ATP6V0A2: variants seen among roughly 807,000 people sequenced by gnomAD.
ATP6V0A2 encodes V-type proton ATPase 116 kDa subunit a 2.
ATP6V0A2 carries 58 observed loss-of-function variants against 104.4 expected under a neutral mutation model. The observed-to-expected ratio is 0.56, with a 90% CI of 0.45 to 0.69. The LOEUF (loss-of-function observed/expected upper bound fraction) is 0.69, where lower values mean the gene tolerates loss of function less well. ATP6V0A2 is among the 30% of genes least tolerant of loss of function. The pLI is 0.00. For missense variants in ATP6V0A2, 938 were observed against 1,062.9 expected, an observed-to-expected ratio of 0.88 and a Z score of 1.63; for synonymous variants, 376 against 397.9, an observed-to-expected ratio of 0.95 and a Z score of 0.65.
At chr12:123,737,033 T>C in intron 8 of ATP6V0A2, 26 bp from the exon 9 acceptor site, 2 of 1,612,200 alleles carry the variant, frequency 1.2e-6, no homozygotes, top group Non-Finnish European at 1.7e-6. Context: ...CCCACTCCAC[T>C]GAAAGCCCCT....
rs199633614 is a variant in ATP6V0A2 at position 123,722,417 on chromosome 12, C to T, written c.263C>T (p.Ala88Val). The part of the protein sequence containing the change: ...PLPEGEASPP[A>V]PPLKQVLEMQ... Reference sequence around the variant, plus strand: ...CCTGAAGGAGAGGCCAGCCCTCCTGCGCCACCCCTGAAACAGGTTCTAGAA... The same window carrying T: ...CCTGAAGGAGAGGCCAGCCCTCCTGTGCCACCCCTGAAACAGGTTCTAGAA... Residue 88 changes from alanine to valine, a missense_variant, in exon 3 of 20, where the codon GCG (alanine) becomes GTG (valine). Transcript: ENST00000330342. 14 of 1,611,276 alleles carry T rather than the reference C, an allele frequency of 8.7e-6. No homozygotes were observed. Among genetic ancestry groups the T allele is most frequent in the African/African-American group, 8.0e-5 (6 of 74,986 alleles).
At chr12:123,751,788 A>G in intron 16 of ATP6V0A2, among the ~76,000 whole-genome samples, 1 of 152,034 alleles carries the variant, frequency 6.6e-6, no homozygotes, top group South Asian at 2.1e-4. Context: ...GGCACAATTT[A>G]AATGCCTTTT....
chr12:123,727,846 C>G lies in ATP6V0A2; in HGVS notation c.585C>G (p.Val195=). 3.1e-6 allele frequency: 5 copies of G among 1,614,194 alleles called. No individual in the cohort carries two copies. The highest frequency in any genetic ancestry group is 4.2e-6 in the Non-Finnish European group (5 of 1,180,042). The change falls in exon 6 of 20, where the codon GTC becomes GTG. Residue 195 remains valine, a synonymous_variant. Coordinates refer to ENST00000330342, the MANE Select transcript of ATP6V0A2 (RefSeq NM_012463.4). The part of the protein sequence containing the change: ...VEAFEKMLWR[V]CKGYTIVSYA... ...CATTTGAAAAAATGTTGTGGAGAGT[C>G]TGCAAAGGGTACACCATCGTGTCCT...
chr12:123,742,751 G>A (rs774060527), intron 9 of ATP6V0A2, among the ~76,000 whole-genome samples: 17 of 151,676 alleles, frequency 1.1e-4, no homozygotes, highest in East Asian at 5.8e-4. Flanking sequence ...CACGAGAATC[G>A]CTTGAACCTG....
chr12:123,743,991 C>G (rs905766017), intron 10 of ATP6V0A2, 56 bp downstream of exon 10: 2 of 1,596,652 alleles, frequency 1.3e-6, no homozygotes, highest in African/African-American at 1.3e-5. Flanking sequence ...TGCATTCTTG[C>G]TCTAAGAATG....
At position 123,756,874 on chromosome 12, in the gene ATP6V0A2, T is replaced by G; in HGVS notation, c.2353T>G (p.Tyr785Asp). 1.2e-6 allele frequency: 2 copies of G among 1,614,252 alleles called. No individual in the cohort carries two copies. Among genetic ancestry groups the G allele is most frequent in the Non-Finnish European group, 1.7e-6 (2 of 1,180,044 alleles). ...CGTGGGCCTCCGCGTTGACACCACCTATGGCGTCTTGCTACTGCTCCCGGT... is the reference window on the plus strand; with the variant it reads ...CGTGGGCCTCCGCGTTGACACCACCGATGGCGTCTTGCTACTGCTCCCGGT... ...MRVGLRVDTT[Y>D]GVLLLLPVIA... is the part of the protein sequence containing the mutation. Residue 785 changes from tyrosine to aspartate, a missense_variant, in exon 19 of 20, where the codon TAT becomes GAT. Physicochemically the swap from Tyr to Asp is radical, Grantham distance 160 (BLOSUM62 -3). Coordinates refer to ENST00000330342, the MANE Select transcript of ATP6V0A2 (RefSeq NM_012463.4).
At chr12:123,713,408 T>C (rs1956310767) in intron 1 of ATP6V0A2, among the ~76,000 whole-genome samples, 1 of 152,116 alleles carries the variant, frequency 6.6e-6, no homozygotes, top group Non-Finnish European at 1.5e-5. Flanking sequence ...ATAATAAACA[T>C]TTGTTTGTCC....
intron 15 of ATP6V0A2, 30 bp downstream of exon 15, chr12:123,748,815 A>C (rs1956687689): frequency 6.3e-7 from 1 of 1,577,956 alleles, no homozygotes; most frequent in African/African-American, 1.3e-5. Context: ...TCATGAACTT[A>C]ACGGAAGTAT....
chr12:123,724,039 G>A (rs1956425179), intron 3 of ATP6V0A2: 1 of 152,040 alleles, frequency 6.6e-6, no homozygotes, highest in African/African-American at 2.4e-5. Context: ...CTAATATGTG[G>A]TGTGAACTTC....
Position 123,718,689 on chromosome 12 carries a change from G to T in ATP6V0A2, c.184G>T (p.Glu62Ter). The change falls in exon 2 of 20, where the codon GAG (glutamate) becomes TAG (stop). Residue 62 changes from glutamate to a stop codon, truncating the protein, a stop_gained. Transcript: ENST00000330342. LOFTEE classifies it high-confidence loss of function. ...TGAGGTGAAGAGGTGTGAAGAGCTA[G>T]AGCGAATATTGGGTAAGTTTATTTT... is the stretch of plus-strand genomic sequence containing the variant. ...VGEVKRCEEL[E>*]RILVYLVQEI... 6.2e-7 allele frequency: 1 copy of T among 1,610,514 alleles called. No individual in the cohort carries two copies. The highest frequency in any genetic ancestry group is 1.1e-5 in the South Asian group (1 of 90,362).
Position 123,748,617 on chromosome 12 carries a change from G to A in ATP6V0A2, c.1767G>A (p.Pro589=), listed in dbSNP as rs147789698. Residue 589 remains proline (P), a synonymous_variant, in exon 15 of 20, where the codon CCG becomes CCA. Transcript: ENST00000330342. The part of the protein sequence containing the change: ...KKFNIYLVSI[P]ELLFMLCIFG... The stretch of plus-strand genomic sequence containing the variant: ...TCAACATTTACCTGGTTTCCATCCC[G>A]GAACTTCTCTTCATGCTCTGTATCT... 4.3e-6 allele frequency: 7 copies of A among 1,613,926 alleles called. No homozygotes were observed. The highest frequency in any genetic ancestry group is 2.2e-5 in the East Asian group (1 of 44,896).
intron 15 of ATP6V0A2, chr12:123,750,762 C>G (rs1316746024): frequency 5.9e-6 from 2 of 336,904 alleles, no homozygotes; most frequent in African/African-American, 4.3e-5. Context: ...GAAAACAGAA[C>G]CAAGAATATA....
chr12:123,728,590 G>A (rs1956470339), intron 6 of ATP6V0A2, among the ~76,000 whole-genome samples: 1 of 152,028 alleles, frequency 6.6e-6, no homozygotes, highest in Non-Finnish European at 1.5e-5. Flanking sequence ...ACTTCCCTTG[G>A]CTTTTGTGAC....
rs186567708 is a variant in ATP6V0A2, at chr12:123,721,594, C to T, written c.197-757C>T. 1.3e-4 allele frequency: 27 copies of T among 211,140 alleles called. 1 individual carries two copies. The highest frequency in any genetic ancestry group is 8.5e-4 in the Admixed American group (20 of 23,490). The allele number at this position is 211,140 out of a possible 1,614,324, so 13.1% of individuals were successfully genotyped here. ...TTGGCTTTGTGTCCAGAGTAGTGTC[C>T]GGCCACGACTGGCACCATTTTCCCA... On this transcript the variant is annotated intron_variant, in intron 2 of 19. Coordinates refer to ENST00000330342, the MANE Select transcript of ATP6V0A2 (RefSeq NM_012463.4).
At chr12:123,757,102 G>T (rs1044992352) in intron 19 of ATP6V0A2, 116 bp downstream of exon 19, 24 of 1,147,490 alleles carry the variant, frequency 2.1e-5, no homozygotes, top group Non-Finnish European at 2.9e-5. Context: ...ATTTAGGCCA[G>T]TTCTTCCCTT....
intron 7 of ATP6V0A2, 107 bp downstream of exon 7, chr12:123,734,115 G>C (rs947412377): frequency 2.4e-6 from 2 of 836,786 alleles, no homozygotes; most frequent in African/African-American, 3.4e-5. Flanking sequence ...GCTAGTTTTT[G>C]TTATATGATT....
At position 123,722,335 on chromosome 12, in the gene ATP6V0A2, A is replaced by G. The variant is rs779133117; in HGVS notation, c.197-16A>G. 1.3e-5 allele frequency: 19 copies of G among 1,453,352 alleles called. No individual in the cohort carries two copies. Among genetic ancestry groups the G allele is most frequent in the Non-Finnish European group, 1.8e-5 (19 of 1,033,182 alleles). The allele number at this position is 1,453,352 out of a possible 1,614,324, so 90.0% of individuals were successfully genotyped here. ...GTACATTTTAGTATCTAATTGTTTA[A>G]CTTTTATTTTCACAGTGTATTTGGT... On this transcript the variant is annotated splice_polypyrimidine_tract_variant and intron_variant, in intron 2 of 19. Transcript: ENST00000330342.
intron 14 of ATP6V0A2, 98 bp downstream of exon 14, chr12:123,747,823 C>A: frequency 2.6e-6 from 2 of 768,630 alleles, no homozygotes; most frequent in Non-Finnish European, 4.6e-6. Flanking sequence ...GGGTAAGGGG[C>A]AGCCAATATG....
chr12:123,736,028 A>G (rs956403519), intron 8 of ATP6V0A2, among the ~76,000 whole-genome samples: 12 of 151,780 alleles, frequency 7.9e-5, no homozygotes, highest in African/African-American at 2.7e-4. Context: ...ACGCACCACC[A>G]TGCCCGGCCA....
Sources: gnomAD v4.1 joint callset for allele counts (sites outside exome capture counted in the v4.1 genomes callset) on GRCh38, gnomAD v4.1.1 for gene constraint, MANE v1.5 for transcripts, NCBI Gene and HGNC (gene_info 2026-07-23, HGNC 2026-07-21) for gene names.